The following ARHGEF4 variants were observed in gnomAD, a reference collection of about 807,000 sequenced individuals.
ARHGEF4 encodes Rho guanine nucleotide exchange factor 4.
In ARHGEF4, 119 loss-of-function variants were observed where a neutral mutation model predicts 162.0. The ratio of observed to expected loss-of-function variants is 0.73; its 90% CI spans 0.63 to 0.86. ARHGEF4 has a LOEUF of 0.86. ARHGEF4 is among the 40% of genes least tolerant of loss of function. The pLI is 0.00. For missense variants in ARHGEF4, 2,488 were observed against 2,456.0 expected (o/e 1.01, Z -0.28); for synonymous variants, 1,014 against 979.9 (o/e 1.03, Z -0.65).
intron 4 of ARHGEF4, among the ~76,000 whole-genome samples, chr2:130,959,029 C>T (rs536755020): frequency 9.9e-5 from 15 of 151,860 alleles, no homozygotes; most frequent in African/African-American, 3.6e-4. Context: ...GCAACCTCTG[C>T]CTCCTGAGTT....
intron 1 of ARHGEF4, among the ~76,000 whole-genome samples, chr2:130,840,206 G>T (rs1680511752): frequency 6.6e-6 from 1 of 151,386 alleles, no homozygotes; most frequent in Non-Finnish European, 1.5e-5. Context: ...AGACACACAG[G>T]TGTACACACA....
At chr2:130,875,258 A>G (rs1678752805) in intron 1 of ARHGEF4, among the ~76,000 whole-genome samples, 1 of 152,114 alleles carries the variant, frequency 6.6e-6, no homozygotes, top group Non-Finnish European at 1.5e-5. Flanking sequence ...GGCTTTATCT[A>G]CAGATCGATG....
At chr2:131,009,033 T>C (rs141572033) in intron 4 of ARHGEF4, among the ~76,000 whole-genome samples, 126 of 152,354 alleles carry the variant, frequency 8.3e-4, no homozygotes, top group African/African-American at 2.7e-3. Context: ...CCATTTGTCA[T>C]CATTCTCACT....
intron 5 of ARHGEF4, among the ~76,000 whole-genome samples, chr2:131,030,909 C>T (rs903631305): frequency 1.3e-5 from 2 of 152,216 alleles, no homozygotes; most frequent in African/African-American, 2.4e-5. Flanking sequence ...GATTGTCCTG[C>T]GACAGGCCAG....
At chr2:131,019,080 A>C (rs1688933749) in intron 4 of ARHGEF4, among the ~76,000 whole-genome samples, 1 of 152,170 alleles carries the variant, frequency 6.6e-6, no homozygotes, top group Non-Finnish European at 1.5e-5. Flanking sequence ...TTGAGATTCC[A>C]TGTGAATTTT....
Position 131,046,046 on chromosome 2 carries a change from C to T in ARHGEF4, c.5488C>T (p.Arg1830Trp), listed in dbSNP as rs146423704. 91 of 1,610,870 alleles carry T rather than the reference C, an allele frequency of 5.6e-5. No individual in the cohort carries two copies. The highest frequency in any genetic ancestry group is 1.7e-4 in the Middle Eastern group (1 of 6,010). ...TGTCTCTCCCTGTTCAGCTGTTGGC[C>T]GGCCCTGCTACCTGACGCGCCAGAA... Reference protein sequence around the residue: ...QVTGKPKAVGRPCYLTRQKHP... With the variant: ...QVTGKPKAVGWPCYLTRQKHP... The change falls in exon 14 of 14, where the codon CGG (arginine) becomes TGG (tryptophan). Residue 1830 changes from arginine to tryptophan, a missense_variant. Arg to Trp is a moderately radical substitution (Grantham distance 101, BLOSUM62 -3). Transcript: ENST00000409359.
Position 130,845,667 on chromosome 2 carries a change from G to A in ARHGEF4, c.39+8675G>A, listed in dbSNP as rs114945655. 3.3e-3 allele frequency among the ~76,000 whole-genome samples: 501 copies of A among 152,288 alleles called. 4 individuals carry two copies. The highest frequency in any genetic ancestry group is 0.012 in the African/African-American group (483 of 41,566). On this transcript the variant is annotated intron_variant, in intron 1 of 13. Coordinates refer to ENST00000409359, the MANE Select transcript of ARHGEF4 (RefSeq NM_001367493.1). ...TCCTCAGAGCATAGTGGGTGTGGCT[G>A]GTGGGAGAAGCTGGGTCAAGTGGTA...
chr2:131,041,268 C>T lies in ARHGEF4; in HGVS notation c.4701C>T (p.Asn1567=). The stretch of plus-strand genomic sequence containing the variant: ...AGATCTACTCGGAGTACTGCAATAA[C>T]CACCCCAACGCCTGCGTGGAGCTCT... The part of the protein sequence containing the change: ...DFQIYSEYCN[N]HPNACVELSR... The change falls in exon 9 of 14, where the codon AAC becomes AAT. Residue 1567 remains asparagine, a synonymous_variant. Transcript: ENST00000409359. 1.2e-6 allele frequency: 2 copies of T among 1,613,888 alleles called. No homozygotes were observed. Among genetic ancestry groups the T allele is most frequent in the Non-Finnish European group, 1.7e-6 (2 of 1,180,026 alleles).
At chr2:130,988,511 AT>A (rs1180957857) in intron 4 of ARHGEF4, among the ~76,000 whole-genome samples, 1 of 152,216 alleles carries the variant, frequency 6.6e-6, no homozygotes, top group Non-Finnish European at 1.5e-5. Flanking sequence ...CAAAAAAATC[AT>A]TCCAAATCTC....
At chr2:130,994,846 C>T (rs957381822) in intron 4 of ARHGEF4, among the ~76,000 whole-genome samples, 1 of 152,174 alleles carries the variant, frequency 6.6e-6, no homozygotes. Context: ...GAAGTGGACT[C>T]TTTATAGATG....
intron 1 of ARHGEF4, among the ~76,000 whole-genome samples, chr2:130,865,057 T>C (rs56182439): frequency 0.082 from 12,449 of 152,292 alleles, 979 homozygotes; most frequent in African/African-American, 0.2. Context: ...TCATACTCCC[T>C]GTCCTCAGAG....
chr2:131,035,786 C>T (rs937115564), intron 5 of ARHGEF4: 3 of 985,450 alleles, frequency 3.0e-6, no homozygotes, highest in Non-Finnish European at 3.6e-6. Context: ...AGCCCCCACC[C>T]CTGCTGCACA....
chr2:130,853,135 G>A (rs112033947), intron 1 of ARHGEF4, among the ~76,000 whole-genome samples: 49 of 152,316 alleles, frequency 3.2e-4, no homozygotes, highest in African/African-American at 1.1e-3. Flanking sequence ...GGCACCATGA[G>A]GGACCCCGGA....
At chr2:131,008,968 T>C (rs1490065495) in intron 4 of ARHGEF4, among the ~76,000 whole-genome samples, 1 of 152,260 alleles carries the variant, frequency 6.6e-6, no homozygotes, top group Non-Finnish European at 1.5e-5. Context: ...GTGTTGTACA[T>C]ACCCACAGTT....
chr2:131,031,314 C>T (rs1420430945), intron 5 of ARHGEF4, among the ~76,000 whole-genome samples: 1 of 152,248 alleles, frequency 6.6e-6, no homozygotes. Flanking sequence ...GAGAGCGGCC[C>T]ACTCGGGGCA....
intron 4 of ARHGEF4, among the ~76,000 whole-genome samples, chr2:130,956,141 A>C (rs944141685): frequency 1.3e-5 from 2 of 152,192 alleles, no homozygotes; most frequent in Non-Finnish European, 2.9e-5. Flanking sequence ...GTCTGCCCCT[A>C]CTGGGGGGTA....
intron 4 of ARHGEF4, among the ~76,000 whole-genome samples, chr2:131,015,034 G>A (rs931797654): frequency 5.4e-4 from 82 of 152,252 alleles, no homozygotes; most frequent in African/African-American, 1.9e-3. Flanking sequence ...GATCTGTGCG[G>A]CGCACCTAAT....
intron 4 of ARHGEF4, among the ~76,000 whole-genome samples, chr2:130,998,827 A>G (rs1444745234): frequency 6.6e-6 from 1 of 152,216 alleles, no homozygotes; most frequent in Admixed American, 6.5e-5. Context: ...TTGGGTAAAT[A>G]CCAAGGAGTG....
intron 1 of ARHGEF4, among the ~76,000 whole-genome samples, chr2:130,841,294 G>A (rs1680590953): frequency 2.0e-5 from 3 of 151,662 alleles, no homozygotes; most frequent in East Asian, 1.9e-4. Context: ...TCGAACTCCT[G>A]ACCTCGTGAT....
Sources: allele counts gnomAD v4.1 joint callset (sites outside exome capture counted in the v4.1 genomes callset), GRCh38; gene constraint gnomAD v4.1.1; transcripts MANE v1.5; gene names NCBI Gene and HGNC (gene_info 2026-07-23, HGNC 2026-07-21).